Variants in CPT1C observed in about 807,000 individuals in gnomAD.
CPT1C encodes palmitoyl thioesterase CPT1C.
CPT1C carries 61 observed loss-of-function variants against 97.3 expected under a neutral mutation model. That is an observed-to-expected ratio of 0.63 (90% CI 0.51 to 0.78). The LOEUF (loss-of-function observed/expected upper bound fraction) is 0.78, where lower values mean the gene tolerates loss of function less well. CPT1C is among the 30% of genes least tolerant of loss of function. CPT1C has a pLI of 0.00. For synonymous variants in CPT1C, 469 were observed against 447.2 expected (o/e 1.05, Z -0.61); for missense variants, 975 against 1,065.5 (o/e 0.92, Z 1.18).
intron 3 of CPT1C, among the ~76,000 whole-genome samples, chr19:49,695,803 G>C (rs908983757): frequency 6.6e-6 from 1 of 151,962 alleles, no homozygotes; most frequent in Non-Finnish European, 1.5e-5. Flanking sequence ...GGATGGTCTC[G>C]ATCTCTTGAC....
In CPT1C at chr19:49,702,072, A is replaced by AT. The variant is rs1243636930; in HGVS notation, c.693+438_693+439insT. 3.5e-4 allele frequency among the ~76,000 whole-genome samples: 39 copies of AT among 111,114 alleles called. 6 individuals are homozygous for AT. Among genetic ancestry groups the AT allele is most frequent in the African/African-American group, 1.4e-3 (38 of 26,604 alleles). 72.9% of individuals were successfully genotyped at this position (111,114 alleles called of 152,430 possible). On this transcript the variant is annotated intron_variant, in intron 7 of 19. Transcript: ENST00000598293. ...AAATTATAAATATATATTTATTTAT[A>AT]AATTATAAATATATATTTATTTATA...
intron 5 of CPT1C, 56 bp downstream of exon 5, chr19:49,700,911 C>CCTCTCTCTGGGTCTCTGTCCCCCT (rs2082983277): frequency 7.8e-6 from 12 of 1,532,154 alleles, no homozygotes; most frequent in South Asian, 1.1e-5. Context: ...TATCTATTCC[C>CCTCTCTCTGGGTCTCTGTCCCCCT]CTCTCTCTGG....
rs1392885378 is a variant in CPT1C at position 49,706,040 on chromosome 19, C to T, written c.1096C>T (p.Leu366=). ...RALEQQFQRI[L]DDPSPACPHE... ...CCTGGAGCAGCAGTTTCAGAGAATC[C>T]TGGATGATCCCTCACCGGCCTGCCC... is the stretch of plus-strand genomic sequence containing the variant. Residue 366 remains leucine (L), a synonymous_variant, in exon 11 of 20, where the codon CTG becomes TTG. Coordinates refer to ENST00000598293, the MANE Select transcript of CPT1C (RefSeq NM_001199753.2). The surrounding 1 kb of genome is among the most constrained non-coding windows in gnomAD (Gnocchi z 4.8). 2 of 1,613,970 alleles carry T rather than the reference C, an allele frequency of 1.2e-6. No individual in the cohort carries two copies. Among genetic ancestry groups the T allele is most frequent in the Non-Finnish European group, 1.7e-6 (2 of 1,179,954 alleles).
Position 49,705,902 on chromosome 19 carries a change from C to A in CPT1C, c.965-7C>A, listed in dbSNP as rs780288304. The A allele has an allele frequency of 2.5e-6, 4 of 1,611,582 alleles. No homozygotes were observed. Among genetic ancestry groups the A allele is most frequent in the Admixed American group, 1.7e-5 (1 of 59,740 alleles). Reference sequence around the variant, plus strand: ...TGCCCCCATGCTTCTGCCAACGCCACCCCTAGACTACATCCGCCACCTCCA... The same window carrying A: ...TGCCCCCATGCTTCTGCCAACGCCAACCCTAGACTACATCCGCCACCTCCA... On this transcript the variant is annotated splice_polypyrimidine_tract_variant and splice_region_variant and intron_variant, in intron 10 of 19. Transcript: ENST00000598293.
chr19:49,694,948 A>G (rs1470939481), intron 3 of CPT1C, among the ~76,000 whole-genome samples: 6 of 151,958 alleles, frequency 3.9e-5, no homozygotes, highest in Non-Finnish European at 8.8e-5. Flanking sequence ...AGACCATCCT[A>G]GCTAACACAG....
intron 7 of CPT1C, among the ~76,000 whole-genome samples, chr19:49,703,622 C>CCTTCCTTCCTTCCTTCCTTCCT: frequency 1.1e-5 from 1 of 87,154 alleles, no homozygotes; most frequent in Non-Finnish European, 2.3e-5. Context: ...CCTTCCTTCT[C>CCTTCCTTCCTTCCTTCCTTCCT]TCTTTCTCTC....
At chr19:49,712,343 CAAAA>C (rs750870666) in intron 17 of CPT1C, 311 of 118,886 alleles carry the variant, frequency 2.6e-3, no homozygotes, top group South Asian at 5.3e-3. Context: ...GACTCTGTCT[CAAAA>C]AAAAAAAAAA....
rs746948344 is a variant in CPT1C, at chr19:49,700,810, T to A, written c.408T>A (p.Leu136=). Residue 136 remains leucine, a synonymous_variant, in exon 5 of 20, where the codon CTT becomes CTA. Coordinates refer to ENST00000598293, the MANE Select transcript of CPT1C (RefSeq NM_001199753.2). ...LRLLLSYHGW[L]LEPHGAMSSP... is the part of the protein sequence containing the mutation. ...TGCTTCTGTCCTACCACGGCTGGCT[T>A]CTTGAGCCCCACGGAGCCATGTCCT... The A allele has an allele frequency of 1.2e-6, 2 of 1,613,430 alleles. No homozygotes were observed. Among genetic ancestry groups the A allele is most frequent in the Non-Finnish European group, 1.7e-6 (2 of 1,180,026 alleles).
At chr19:49,701,465 G>A (rs763358882) in intron 6 of CPT1C, 32 bp from the exon 7 acceptor site, 28 of 1,589,494 alleles carry the variant, frequency 1.8e-5, no homozygotes, top group Non-Finnish European at 2.3e-5. Flanking sequence ...GGGGCGGGCC[G>A]GGGGCGTGAC....
chr19:49,712,095 C>A, intron 17 of CPT1C, 134 bp downstream of exon 17: 2 of 1,128,434 alleles, frequency 1.8e-6, no homozygotes, highest in Non-Finnish European at 2.4e-6. Flanking sequence ...GTAATCCCAG[C>A]AGTTTGGGAA....
In CPT1C at chr19:49,705,075, C is replaced by T. The variant is rs756866946; in HGVS notation, c.840C>T (p.Leu280=). The T allele has an allele frequency of 2.2e-5, 36 of 1,613,894 alleles. No homozygotes were observed. Among genetic ancestry groups the T allele is most frequent in the Non-Finnish European group, 2.9e-5 (34 of 1,179,952 alleles). ...ARAGNAVHAL[L]LYRHRLNRQE... ...CTGGGAATGCCGTCCATGCCCTCCT[C>T]CTGTACCGCCACCGCCTGAACCGCC... The change falls in exon 9 of 20, where the codon CTC becomes CTT. Residue 280 remains leucine (L), a synonymous_variant. Transcript: ENST00000598293.
intron 13 of CPT1C, 147 bp from the exon 14 acceptor site, chr19:49,708,576 C>T: frequency 1.4e-6 from 1 of 725,262 alleles, no homozygotes; most frequent in South Asian, 1.5e-5. Flanking sequence ...GAACATGAAC[C>T]TGAGACCGCA....
intron 3 of CPT1C, among the ~76,000 whole-genome samples, chr19:49,695,584 C>CTT (rs71180646): frequency 2.6e-4 from 24 of 93,156 alleles, no homozygotes; most frequent in South Asian, 3.9e-4. Context: ...TGCACCTGGC[C>CTT]TTTTTTTTTT....
chr19:49,700,794 C>G lies in CPT1C; in HGVS notation c.392C>G (p.Ser131Cys). The change falls in exon 5 of 20, where the codon TCC (serine) becomes TGC (cysteine). Residue 131 changes from serine to cysteine, a missense_variant. By Grantham distance (112) the Ser-to-Cys change is moderately radical. Coordinates refer to ENST00000598293, the MANE Select transcript of CPT1C (RefSeq NM_001199753.2). ...TLHVALRLLL[S>C]YHGWLLEPHG... is the part of the protein sequence containing the mutation. ...CACGTGGCCCTGAGGCTGCTTCTGT[C>G]CTACCACGGCTGGCTTCTTGAGCCC... 1 of 1,613,532 alleles carries G rather than the reference C, an allele frequency of 6.2e-7. No homozygotes were observed. Among genetic ancestry groups the G allele is most frequent in the Non-Finnish European group, 8.5e-7 (1 of 1,180,032 alleles).
At chr19:49,691,096 G>C (rs2082325494), upstream of CPT1C, 1 of 152,102 alleles carries the variant, frequency 6.6e-6, no homozygotes, top group Middle Eastern at 3.4e-3. Context: ...GGAAGGAGGC[G>C]GGGATAAAAC....
intron 4 of CPT1C, among the ~76,000 whole-genome samples, chr19:49,699,752 C>G (rs532056695): frequency 6.6e-6 from 1 of 151,920 alleles, no homozygotes; most frequent in Non-Finnish European, 1.5e-5. Flanking sequence ...GTCAGGAGTT[C>G]GAGAGCCGCC....
chr19:49,712,563 GA>G (rs1692857532), intron 17 of CPT1C, 172 bp from the exon 18 acceptor site: 1 of 606,406 alleles, frequency 1.6e-6, no homozygotes, highest in African/African-American at 1.9e-5. Flanking sequence ...TGGGTGGTGA[GA>G]CGAGTGAGGG....
In CPT1C at chr19:49,694,087, AAAATAAATAAAT is replaced by A. The variant is rs143173653; in HGVS notation, c.141+1721_141+1732del. Among the ~76,000 whole-genome samples the A allele has an allele frequency of 5.1e-3, 552 of 107,538 alleles. 3 individuals carry two copies. Among genetic ancestry groups the A allele is most frequent in the African/African-American group, 0.011 (421 of 37,548 alleles). The allele number at this position is 107,538 out of a possible 152,430, so 70.5% of individuals were successfully genotyped here. ...CTCAAAAAAAAATAAAATAAAATAA[AAAATAAATAAAT>A]AAATAAATAAATAAATAAATAAATA... On this transcript the variant is annotated intron_variant, in intron 3 of 19. Transcript: ENST00000598293.
Position 49,697,437 on chromosome 19 carries a change from G to A in CPT1C, c.253G>A (p.Glu85Lys), listed in dbSNP as rs202006349. The change falls in exon 4 of 20, where the codon GAG becomes AAG. Residue 85 changes from glutamate to lysine, a missense_variant. By Grantham distance (56) the Glu-to-Lys change is moderately conservative. Coordinates refer to ENST00000598293, the MANE Select transcript of CPT1C (RefSeq NM_001199753.2). ...LQLDPSLGLM[E>K]KIKELLPDWG... The stretch of plus-strand genomic sequence containing the variant: ...GCTGGATCCTTCCTTAGGACTGATG[G>A]AGAAGATCAAAGAGTTGCTGCCTGA... 1.6e-4 allele frequency: 263 copies of A among 1,613,978 alleles called. No individual in the cohort carries two copies. Among genetic ancestry groups the A allele is most frequent in the Non-Finnish European group, 2.1e-4 (248 of 1,180,030 alleles).
Sources: gnomAD v4.1 joint callset for allele counts (sites outside exome capture counted in the v4.1 genomes callset) on GRCh38, gnomAD v4.1.1 for gene constraint, Gnocchi (gnomAD v3.1) non-coding constraint, MANE v1.5 for transcripts, NCBI Gene and HGNC (gene_info 2026-07-23, HGNC 2026-07-21) for gene names.